Variants in ENPP2 observed in about 807,000 individuals in gnomAD.
ENPP2 encodes the protein ectonucleotide pyrophosphatase/phosphodiesterase 2.
Under a neutral mutation model 120.2 loss-of-function variants are expected in ENPP2, and 51 were observed. That is an observed-to-expected ratio of 0.42 (90% CI 0.34 to 0.54). The LOEUF (loss-of-function observed/expected upper bound fraction) is 0.54, where lower values mean the gene tolerates loss of function less well. Ranked by LOEUF, ENPP2 falls within the 20% of genes least tolerant of loss-of-function variation. The pLI is 0.04. For synonymous variants in ENPP2, 365 were observed against 366.4 expected (o/e 1.00, Z 0.04); for missense variants, 920 against 1,066.5 (o/e 0.86, Z 1.91).
chr8:119,667,314 T>C (rs1194418677), intron 1 of ENPP2, among the ~76,000 whole-genome samples: 2 of 152,218 alleles, frequency 1.3e-5, no homozygotes, highest in Non-Finnish European at 2.9e-5. Flanking sequence ...TATCAAGCCT[T>C]TGCTTAAATT....
At position 119,576,196 on chromosome 8, in the gene ENPP2, T is replaced by C. The variant is rs558856957; in HGVS notation, c.1780+3920A>G. ...TCTTGTTGCCCAGGCTGGAGTACAA[T>C]GGCGAGATCTCGACTCACTGCACCT... is the stretch of plus-strand genomic sequence containing the variant. On this transcript the variant is annotated intron_variant, in intron 19 of 24. Transcript: ENST00000075322. Among the ~76,000 whole-genome samples, 24 of 152,340 alleles carry C rather than the reference T, an allele frequency of 1.6e-4. No individual in the cohort carries two copies. The South Asian group carries it at 5.0e-3, about 32-fold the overall frequency.
intron 8 of ENPP2, among the ~76,000 whole-genome samples, chr8:119,610,617 A>ATCAGG (rs1442442655): frequency 4.6e-5 from 7 of 151,982 alleles, no homozygotes; most frequent in African/African-American, 1.7e-4. Flanking sequence ...AAAAAAAAAA[A>ATCAGG]TCAGGCCAGG....
At chr8:119,590,063 C>T (rs1393955175) in intron 13 of ENPP2, among the ~76,000 whole-genome samples, 1 of 152,158 alleles carries the variant, frequency 6.6e-6, no homozygotes, top group Non-Finnish European at 1.5e-5. Flanking sequence ...CTCCTAGGAA[C>T]CCCCACAGTC....
intron 2 of ENPP2, among the ~76,000 whole-genome samples, chr8:119,635,795 T>C (rs1359793318): frequency 6.6e-6 from 1 of 152,216 alleles, no homozygotes; most frequent in South Asian, 2.1e-4. Flanking sequence ...TTTCCTACGC[T>C]AACAATAAAT....
In ENPP2 at chr8:119,561,799, G is replaced by A. The variant is rs140040100; in HGVS notation, c.2421+1058C>T. Among the ~76,000 whole-genome samples the A allele has an allele frequency of 6.1e-3, 931 of 151,888 alleles. 15 individuals are homozygous for A. Among genetic ancestry groups the A allele is most frequent in the African/African-American group, 0.021 (863 of 41,444 alleles). ...GCTTGCTCTTGCTTTGTGTGTGTGT[G>A]TGTGTGTGTGTGTGTTTGTGTGTGT... On this transcript the variant is annotated intron_variant, in intron 24 of 24. Transcript: ENST00000075322.
At chr8:119,595,956 C>A in intron 11 of ENPP2, 1 of 1,613,962 alleles carries the variant, frequency 6.2e-7, no homozygotes, top group South Asian at 1.1e-5. Flanking sequence ...GGCAACTTTC[C>A]TCTTAGGTCT....
At chr8:119,639,240 G>A (rs556440790), upstream of ENPP2, among the ~76,000 whole-genome samples, 1 of 152,224 alleles carries the variant, frequency 6.6e-6, no homozygotes, top group South Asian at 2.1e-4. Flanking sequence ...ATTCAATGGC[G>A]TCAACCTCAC....
rs1470742140 is a variant in ENPP2 at position 119,570,819 on chromosome 8, T to C, written c.1803A>G (p.Arg601=). The C allele has an allele frequency of 1.3e-6, 2 of 1,572,530 alleles. No individual in the cohort carries two copies. The highest frequency in any genetic ancestry group is 1.7e-6 in the Non-Finnish European group (2 of 1,164,192). The change falls in exon 20 of 25, where the codon CGA becomes CGG. Residue 601 remains arginine (R), a synonymous_variant. Transcript: ENST00000075322. ...ATCTAGTCCGATAAAGCACTGCAGG[T>C]CGCCCATAGAGGAGGTGTCTCTCTA... ...STEERHLLYG[R]PAVLYRTRYD...
chr8:119,636,674 C>T (rs190460818), intron 2 of ENPP2, among the ~76,000 whole-genome samples: 3 of 152,156 alleles, frequency 2.0e-5, no homozygotes, highest in African/African-American at 7.2e-5. Context: ...AAATAATTTA[C>T]TATACACAAA....
intron 1 of ENPP2, among the ~76,000 whole-genome samples, chr8:119,653,634 T>C (rs1817686527): frequency 7.8e-6 from 1 of 128,780 alleles, no homozygotes; most frequent in Non-Finnish European, 1.7e-5. Context: ...AAAGAAGTAA[T>C]TGGGAGCTAG....
At chr8:119,636,372 CA>C (rs1163771308) in intron 2 of ENPP2, among the ~76,000 whole-genome samples, 1 of 152,150 alleles carries the variant, frequency 6.6e-6, no homozygotes, top group Non-Finnish European at 1.5e-5. Flanking sequence ...TCCTAAAAAG[CA>C]CATAAGCTAC....
chr8:119,585,536 A>G (rs1349290285), intron 15 of ENPP2, among the ~76,000 whole-genome samples: 1 of 152,210 alleles, frequency 6.6e-6, no homozygotes, highest in African/African-American at 2.4e-5. Context: ...AGAAAGTTGG[A>G]GCAAGAGTGA....
At chr8:119,641,338 G>T (rs1274948256), upstream of ENPP2, among the ~76,000 whole-genome samples, 1 of 147,244 alleles carries the variant, frequency 6.8e-6, no homozygotes. Context: ...ACAAAAAAAA[G>T]CTTCACAGTG....
rs1690692501 is a variant in ENPP2 at position 119,568,237 on chromosome 8, G to A, written c.2069C>T (p.Pro690Leu). Residue 690 changes from proline to leucine, a missense_variant, in exon 22 of 25, where the codon CCA becomes CTA. Physicochemically the swap from Pro to Leu is moderately conservative, Grantham distance 98. Coordinates refer to ENST00000075322, the MANE Select transcript of ENPP2 (RefSeq NM_001040092.3). Reference sequence around the variant, plus strand: ...AAGGAATGCATCATATTTAGCCTCTGGTGAAGAGCTCAGATCTAAACATTA... The same window carrying A: ...AAGGAATGCATCATATTTAGCCTCTAGTGAAGAGCTCAGATCTAAACATTA... ...FLFPPYLSSS[P>L]EAKYDAFLVT... 1 of 1,590,328 alleles carries A rather than the reference G, an allele frequency of 6.3e-7. No individual in the cohort carries two copies. The highest frequency in any genetic ancestry group is 1.7e-5 in the Admixed American group (1 of 59,816).
At chr8:119,590,477 C>T in intron 13 of ENPP2, 28 bp downstream of exon 13, 1 of 1,561,698 alleles carries the variant, frequency 6.4e-7, no homozygotes, top group Non-Finnish European at 8.7e-7. Flanking sequence ...ACCACTCTAA[C>T]CACTTAATAT....
At chr8:119,665,482 G>C (rs1376800576) in intron 1 of ENPP2, among the ~76,000 whole-genome samples, 1 of 152,104 alleles carries the variant, frequency 6.6e-6, no homozygotes, top group South Asian at 2.1e-4. Flanking sequence ...TTTATTCTGT[G>C]GCAAACATGT....
chr8:119,632,958 A>G (rs1235454409), intron 2 of ENPP2, among the ~76,000 whole-genome samples: 1 of 152,152 alleles, frequency 6.6e-6, no homozygotes, highest in Non-Finnish European at 1.5e-5. Context: ...AATCTCAGCT[A>G]GGGCTGAGGC....
intron 21 of ENPP2, 40 bp downstream of exon 21, chr8:119,569,195 A>G: frequency 2.5e-6 from 4 of 1,596,022 alleles, no homozygotes; most frequent in Non-Finnish European, 3.4e-6. Context: ...ACAATGTGAC[A>G]TCCCTCTGAA....
chr8:119,601,419 G>T lies in ENPP2; in HGVS notation c.877C>A (p.Leu293Ile). 6.2e-7 allele frequency: 1 copy of T among 1,606,310 alleles called. No homozygotes were observed. The highest frequency in any genetic ancestry group is 8.5e-7 in the Non-Finnish European group (1 of 1,172,966). ...TACCTCTCATGATCTGGCAGGGTGA[G>T]CCACTGCAATATGGTTAATATTCTC... ...ERRILTILQWLTLPDHERPSV... is the reference protein window; with the variant it reads ...ERRILTILQWITLPDHERPSV... Residue 293 changes from leucine (L) to isoleucine (I), a missense_variant, in exon 10 of 25, where the codon CTC becomes ATC. Coordinates refer to ENST00000075322, the MANE Select transcript of ENPP2 (RefSeq NM_001040092.3).
Sources: gnomAD v4.1 joint callset for allele counts (sites outside exome capture counted in the v4.1 genomes callset) on GRCh38, gnomAD v4.1.1 for gene constraint, MANE v1.5 for transcripts, NCBI Gene and HGNC (gene_info 2026-07-23, HGNC 2026-07-21) for gene names.